JARID2: variants seen among roughly 807,000 people sequenced by gnomAD.
The protein encoded by JARID2 is protein Jumonji.
In JARID2, 21 loss-of-function variants were observed where a neutral mutation model predicts 125.6. The ratio of observed to expected loss-of-function variants is 0.17; its 90% CI spans 0.12 to 0.24. The LOEUF (loss-of-function observed/expected upper bound fraction) is 0.24, where lower values mean the gene tolerates loss of function less well. Among genes scored for constraint, JARID2 ranks in the 10% least tolerant of loss-of-function variants. JARID2 has a pLI of 1.00. For synonymous variants in JARID2, 736 were observed against 661.6 expected (o/e 1.11, Z -1.73); for missense variants, 1,303 against 1,639.6 (o/e 0.79, Z 3.55).
At chr6:15,418,208 A>G (rs1463154365) in intron 3 of JARID2, among the ~76,000 whole-genome samples, 3 of 138,160 alleles carry the variant, frequency 2.2e-5, no homozygotes, top group East Asian at 2.1e-4. Flanking sequence ...CTTGTTAACT[A>G]TATTCCTCTT....
At chr6:15,300,496 A>G (rs540988472) in intron 1 of JARID2, among the ~76,000 whole-genome samples, 1 of 152,244 alleles carries the variant, frequency 6.6e-6, no homozygotes, top group Non-Finnish European at 1.5e-5. Context: ...ATTCAGAGTA[A>G]TAAACTGTAC....
Position 15,444,411 on chromosome 6 carries a change from T to C in JARID2, c.324-7595T>C, listed in dbSNP as rs565937502. Among the ~76,000 whole-genome samples the C allele has an allele frequency of 6.6e-5, 10 of 152,300 alleles. No homozygotes were observed. The South Asian group carries it at 2.1e-3, about 32-fold the overall frequency. ...GGATGTTTACAACCATTCTGTGTGG[T>C]TTGCTCGCAACCGCACTTGCATTTG... On this transcript the variant is annotated intron_variant, in intron 3 of 17. Coordinates refer to ENST00000341776, the MANE Select transcript of JARID2 (RefSeq NM_004973.4).
Position 15,496,156 on chromosome 6 carries a change from C to G in JARID2, c.931C>G (p.Arg311Gly), listed in dbSNP as rs911838647. The change falls in exon 7 of 18, where the codon CGA (arginine) becomes GGA (glycine). Residue 311 changes from arginine (R) to glycine (G), a missense_variant. Physicochemically the swap from Arg to Gly is moderately radical, Grantham distance 125. Around this residue, in one of 11 missense-constraint regions of JARID2, gnomAD observed 651 missense variants for 581.6 expected, o/e 1.12. Coordinates refer to ENST00000341776, the MANE Select transcript of JARID2 (RefSeq NM_004973.4). ...GGTTTCTAAGGTAAACGGAGTCACT[C>G]GAATGTCATCTCTGGGTGCAGGTGT... Reference protein sequence around the residue: ...KQVSKVNGVTRMSSLGAGVTS... With the variant: ...KQVSKVNGVTGMSSLGAGVTS... 6.2e-7 allele frequency: 1 copy of G among 1,613,196 alleles called. No homozygotes were observed. Among genetic ancestry groups the G allele is most frequent in the African/African-American group, 1.3e-5 (1 of 74,988 alleles).
At chr6:15,318,258 A>G (rs1466127059) in intron 1 of JARID2, among the ~76,000 whole-genome samples, 1 of 152,190 alleles carries the variant, frequency 6.6e-6, no homozygotes, top group Non-Finnish European at 1.5e-5. Context: ...TTTGTATTTA[A>G]ACTTCAAAGA....
At chr6:15,291,595 C>A (rs1376143425) in intron 1 of JARID2, among the ~76,000 whole-genome samples, 1 of 152,210 alleles carries the variant, frequency 6.6e-6, no homozygotes, top group Non-Finnish European at 1.5e-5. Flanking sequence ...AGGCCAGAAT[C>A]GCTGCATTCA....
intron 1 of JARID2, among the ~76,000 whole-genome samples, chr6:15,353,775 C>G (rs1438152065): frequency 1.3e-5 from 2 of 152,118 alleles, no homozygotes; most frequent in Non-Finnish European, 2.9e-5. Context: ...AATTACTTTT[C>G]TCTTTCTAGG....
chr6:15,349,396 C>A lies in JARID2; in HGVS notation c.46-24721C>A, dbSNP rs1763352060. 2.0e-5 allele frequency among the ~76,000 whole-genome samples: 3 copies of A among 152,162 alleles called. No homozygotes were observed. In the South Asian group the frequency reaches 6.2e-4, roughly 32 times the overall value. On this transcript the variant is annotated intron_variant, in intron 1 of 17. Transcript: ENST00000341776. The stretch of plus-strand genomic sequence containing the variant: ...AGTTACGTGTGTGAAGTGGGCCTAA[C>A]TGGAGTAGCCAGTGAGAATGACTTG...
intron 4 of JARID2, among the ~76,000 whole-genome samples, chr6:15,460,729 C>G (rs1238760245): frequency 1.3e-5 from 2 of 152,180 alleles, no homozygotes; most frequent in Non-Finnish European, 2.9e-5. Flanking sequence ...GAGACGAAGT[C>G]TCCCACCCTG....
chr6:15,277,683 G>A (rs975074918), intron 1 of JARID2, among the ~76,000 whole-genome samples: 1 of 151,720 alleles, frequency 6.6e-6, no homozygotes, highest in African/African-American at 2.4e-5. Context: ...TGTTACTGAA[G>A]CATTAGATTG....
intron 1 of JARID2, among the ~76,000 whole-genome samples, chr6:15,294,777 C>T (rs570069815): frequency 5.1e-4 from 77 of 152,136 alleles, no homozygotes; most frequent in African/African-American, 1.8e-3. Context: ...TCCCTGATGT[C>T]GTGTGACTTT....
chr6:15,309,065 G>A (rs1192977952), intron 1 of JARID2, among the ~76,000 whole-genome samples: 1 of 152,158 alleles, frequency 6.6e-6, no homozygotes, highest in East Asian at 1.9e-4. Flanking sequence ...AGTTTAAGTA[G>A]CTGCAAGATT....
intron 2 of JARID2, among the ~76,000 whole-genome samples, chr6:15,389,804 C>G (rs886717896): frequency 3.3e-5 from 5 of 152,194 alleles, no homozygotes; most frequent in African/African-American, 9.6e-5. Flanking sequence ...CTAGCTAAGA[C>G]AGTGGACTAT....
chr6:15,298,351 G>C (rs1344209823), intron 1 of JARID2, among the ~76,000 whole-genome samples: 1 of 152,016 alleles, frequency 6.6e-6, no homozygotes. Flanking sequence ...TTCTGATAAG[G>C]TTCCCAAGAG....
intron 3 of JARID2, among the ~76,000 whole-genome samples, chr6:15,450,191 C>T (rs576648978): frequency 1.3e-5 from 2 of 152,114 alleles, no homozygotes; most frequent in South Asian, 2.1e-4. Context: ...ATTTTTGAGA[C>T]GGAGTTTCGC....
intron 1 of JARID2, among the ~76,000 whole-genome samples, chr6:15,327,004 T>A (rs1762553361): frequency 6.6e-6 from 1 of 152,206 alleles, no homozygotes; most frequent in African/African-American, 2.4e-5. Context: ...CTTGAGGAAA[T>A]GAGGTCACTT....
At position 15,443,418 on chromosome 6, in the gene JARID2, A is replaced by G. The variant is rs76320598; in HGVS notation, c.324-8588A>G. Reference sequence around the variant, plus strand: ...GCTACTATTTAATCTTTAAGGGAGTAGGGGAGTGGATTTTTGGAATTGTGA... The same window carrying G: ...GCTACTATTTAATCTTTAAGGGAGTGGGGGAGTGGATTTTTGGAATTGTGA... On this transcript the variant is annotated intron_variant, in intron 3 of 17. Coordinates refer to ENST00000341776, the MANE Select transcript of JARID2 (RefSeq NM_004973.4). Among the ~76,000 whole-genome samples, 1,103 of 152,292 alleles carry G rather than the reference A, an allele frequency of 7.2e-3. 13 individuals carry two copies. Among genetic ancestry groups the G allele is most frequent in the African/African-American group, 0.025 (1,049 of 41,550 alleles).
intron 4 of JARID2, among the ~76,000 whole-genome samples, chr6:15,459,768 T>C (rs1018997240): frequency 6.6e-6 from 1 of 152,198 alleles, no homozygotes; most frequent in African/African-American, 2.4e-5. Flanking sequence ...TATTGAGGAC[T>C]AGGATTTCTA....
intron 1 of JARID2, chr6:15,369,352 C>A: frequency 2.3e-6 from 1 of 428,958 alleles, no homozygotes; most frequent in Non-Finnish European, 4.7e-6. Context: ...GATTCCTGAC[C>A]AATTGCTCTT....
chr6:15,407,425 A>G (rs1187393580), intron 2 of JARID2, among the ~76,000 whole-genome samples: 1 of 152,180 alleles, frequency 6.6e-6, no homozygotes, highest in African/African-American at 2.4e-5. Flanking sequence ...TTTTGTCAGG[A>G]GGACAGAAGC....
Sources: allele counts gnomAD v4.1 joint callset (sites outside exome capture counted in the v4.1 genomes callset), GRCh38; gene constraint gnomAD v4.1.1; regional missense constraint gnomAD v4.1.1; transcripts MANE v1.5; gene names NCBI Gene and HGNC (gene_info 2026-07-23, HGNC 2026-07-21).